Variants in FNBP1 observed in about 807,000 individuals in gnomAD.
The protein encoded by FNBP1 is formin-binding protein 1.
Under a neutral mutation model 90.6 loss-of-function variants are expected in FNBP1, and 26 were observed. That is an observed-to-expected ratio of 0.29 (90% CI 0.21 to 0.40). FNBP1 has a LOEUF of 0.40. Ranked by LOEUF, FNBP1 falls within the 10% of genes least tolerant of loss-of-function variation. The pLI is 1.00. For synonymous variants in FNBP1, 260 were observed against 265.2 expected (o/e 0.98, Z 0.19); for missense variants, 635 against 768.0 (o/e 0.83, Z 2.05).
chr9:129,971,548 G>A (rs552348533), intron 4 of FNBP1, among the ~76,000 whole-genome samples: 4 of 152,002 alleles, frequency 2.6e-5, no homozygotes, highest in South Asian at 2.1e-4. Context: ...ATGCCACCAC[G>A]CCTGGTTAAT....
At chr9:129,933,002 A>C (rs2042984241) in intron 6 of FNBP1, among the ~76,000 whole-genome samples, 1 of 152,120 alleles carries the variant, frequency 6.6e-6, no homozygotes, top group Non-Finnish European at 1.5e-5. Flanking sequence ...CAAATTTCTA[A>C]AACAGTCTCT....
intron 6 of FNBP1, among the ~76,000 whole-genome samples, chr9:129,951,422 T>A (rs1026189530): frequency 1.4e-5 from 2 of 139,882 alleles, no homozygotes; most frequent in African/African-American, 5.5e-5. Flanking sequence ...TAATTTCTAT[T>A]TATTTATTTA....
intron 1 of FNBP1, among the ~76,000 whole-genome samples, chr9:130,024,516 T>A (rs910814678): frequency 1.3e-5 from 2 of 152,164 alleles, no homozygotes; most frequent in Non-Finnish European, 2.9e-5. Context: ...GCAACTAACA[T>A]TTTACATTTT....
rs200048704 is a variant in FNBP1, at chr9:130,006,508, CA to C, written c.25-11551del. 7.0e-3 allele frequency among the ~76,000 whole-genome samples: 1,041 copies of C among 148,358 alleles called. 14 individuals are homozygous for C. Among genetic ancestry groups the C allele is most frequent in the African/African-American group, 0.025 (998 of 40,154 alleles). Reference sequence around the variant, plus strand: ...TACTCTGTCTCAAAAAGAAACAAAACAAAACAAAAAAACTAGCCAAGCATGG... The same window carrying C: ...TACTCTGTCTCAAAAAGAAACAAAACAAACAAAAAAACTAGCCAAGCATGG... On this transcript the variant is annotated intron_variant, in intron 1 of 16. Transcript: ENST00000446176.
At chr9:129,913,570 A>G (rs1182074176) in intron 11 of FNBP1, among the ~76,000 whole-genome samples, 2 of 152,034 alleles carry the variant, frequency 1.3e-5, no homozygotes, top group Admixed American at 1.3e-4. Context: ...CAGGAGCTCG[A>G]GATTAGCCTG....
intron 1 of FNBP1, among the ~76,000 whole-genome samples, chr9:130,035,054 C>A (rs963530562): frequency 2.0e-5 from 3 of 152,198 alleles, no homozygotes; most frequent in Admixed American, 6.5e-5. Flanking sequence ...GAGGCTGAGG[C>A]AGGAGAATCA....
intron 11 of FNBP1, 83 bp from the exon 12 acceptor site, chr9:129,909,082 G>C (rs532978836): frequency 1.1e-6 from 1 of 878,756 alleles, no homozygotes; most frequent in East Asian, 2.4e-5. Context: ...TGCAGCCATG[G>C]GGGGTGCAGA....
chr9:129,939,184 T>C (rs113098020), intron 6 of FNBP1, among the ~76,000 whole-genome samples: 15,174 of 150,774 alleles, frequency 0.1, 838 homozygotes, highest in African/African-American at 0.16. Flanking sequence ...AGGTCAGGAG[T>C]TCAAGACCAG....
intron 6 of FNBP1, among the ~76,000 whole-genome samples, chr9:129,951,791 G>A (rs960334474): frequency 6.6e-6 from 1 of 152,096 alleles, no homozygotes; most frequent in Non-Finnish European, 1.5e-5. Flanking sequence ...TAACCCAGAA[G>A]TCTTGCTGGT....
At chr9:130,032,371 A>G (rs189097382) in intron 1 of FNBP1, among the ~76,000 whole-genome samples, 3 of 152,106 alleles carry the variant, frequency 2.0e-5, no homozygotes, top group Non-Finnish European at 4.4e-5. Flanking sequence ...GGATCTCAGT[A>G]TGTTACCCAG....
rs113731447 is a variant in FNBP1, at chr9:129,938,159, T to A, written c.514-8464A>T. ...GCCTGGGCAACAGAGTGAGACTCTG[T>A]CTCAAAAAAATAAATAAATTAATTA... On this transcript the variant is annotated intron_variant, in intron 6 of 16. Coordinates refer to ENST00000446176, the MANE Select transcript of FNBP1 (RefSeq NM_015033.3). Among the ~76,000 whole-genome samples the A allele has an allele frequency of 8.5e-3, 1,287 of 152,036 alleles. 15 individuals are homozygous for A. The highest frequency in any genetic ancestry group is 0.03 in the African/African-American group (1,231 of 41,466).
At chr9:130,044,465 A>C (rs2060035882), upstream of FNBP1, among the ~76,000 whole-genome samples, 3 of 24,918 alleles carry the variant, frequency 1.2e-4, no homozygotes. Flanking sequence ...CTCTACAAAA[A>C]GAAAAAAAAA....
chr9:129,894,372 G>A (rs2035431280), intron 16 of FNBP1, among the ~76,000 whole-genome samples: 1 of 152,070 alleles, frequency 6.6e-6, no homozygotes, highest in Admixed American at 6.6e-5. Flanking sequence ...GATTCCTTTC[G>A]ATGTGGTGAG....
intron 1 of FNBP1, among the ~76,000 whole-genome samples, chr9:130,035,475 C>A (rs113510750): frequency 6.6e-6 from 1 of 152,194 alleles, no homozygotes; most frequent in Non-Finnish European, 1.5e-5. Context: ...CCCAGTAAAA[C>A]TGTACTAATG....
intron 1 of FNBP1, among the ~76,000 whole-genome samples, chr9:130,025,122 G>A (rs1215368294): frequency 2.0e-5 from 3 of 152,040 alleles, no homozygotes; most frequent in Non-Finnish European, 2.9e-5. Flanking sequence ...GGAGGTTGCA[G>A]TGAGTGGAGA....
At chr9:129,995,575 C>T (rs1287556425) in intron 1 of FNBP1, among the ~76,000 whole-genome samples, 1 of 152,108 alleles carries the variant, frequency 6.6e-6, no homozygotes, top group African/African-American at 2.4e-5. Context: ...CTGGGTAACA[C>T]AGAACCCATC....
intron 2 of FNBP1, 76 bp downstream of exon 2, chr9:129,994,767 T>A (rs2053727106): frequency 1.5e-6 from 1 of 671,284 alleles, no homozygotes. Context: ...TATACATTTA[T>A]ACTGTAAAAT....
intron 16 of FNBP1, chr9:129,895,322 T>G: frequency 9.4e-7 from 1 of 1,063,320 alleles, no homozygotes; most frequent in Non-Finnish European, 1.1e-6. Flanking sequence ...GTTATTTCAC[T>G]TGTGACTTCC....
At chr9:129,893,721 T>C (rs992533877) in intron 16 of FNBP1, among the ~76,000 whole-genome samples, 5 of 147,530 alleles carry the variant, frequency 3.4e-5, no homozygotes, top group South Asian at 2.2e-4. Flanking sequence ...TCAAGACCAT[T>C]CTGGCTAACA....
Sources: allele counts gnomAD v4.1 joint callset (sites outside exome capture counted in the v4.1 genomes callset), GRCh38; gene constraint gnomAD v4.1.1; transcripts MANE v1.5; gene names NCBI Gene and HGNC (gene_info 2026-07-23, HGNC 2026-07-21).